Variants in ZFHX3 observed in about 807,000 individuals in gnomAD.
ZFHX3 encodes zinc finger homeobox protein 3.
In ZFHX3, 42 loss-of-function variants were observed where a neutral mutation model predicts 279.1. That is an observed-to-expected ratio of 0.15 (90% CI 0.12 to 0.19). ZFHX3 has a LOEUF of 0.19. Among genes scored for constraint, ZFHX3 ranks in the 10% least tolerant of loss-of-function variants. ZFHX3 has a pLI of 1.00. For missense variants in ZFHX3, 4,981 were observed against 4,754.0 expected (o/e 1.05, Z -1.40); for synonymous variants, 2,293 against 1,957.8 (o/e 1.17, Z -4.52).
At chr16:73,596,533 C>T (rs1011438673) in intron 2 of ZFHX3, among the ~76,000 whole-genome samples, 1 of 152,136 alleles carries the variant, frequency 6.6e-6, no homozygotes, top group African/African-American at 2.4e-5. Flanking sequence ...TTTCAGCCTT[C>T]CCTGATGGCC....
Position 72,934,202 on chromosome 16 carries a change from A to G in ZFHX3, c.3216+16267T>C, listed in dbSNP as rs528342443. 3.0e-4 allele frequency among the ~76,000 whole-genome samples: 46 copies of G among 152,268 alleles called. 1 individual carries two copies. The highest frequency in any genetic ancestry group is 1.1e-3 in the African/African-American group (45 of 41,556). ...TACTTTAGGAGGCTGAGGCAGGAGG[A>G]TCACTTGAGGTCAGGAGTTCGAGAC... is the stretch of plus-strand genomic sequence containing the variant. On this transcript the variant is annotated intron_variant, in intron 3 of 9. Transcript: ENST00000268489.
chr16:72,916,861 GT>G (rs1428512157), intron 3 of ZFHX3, among the ~76,000 whole-genome samples: 1 of 152,172 alleles, frequency 6.6e-6, no homozygotes, highest in East Asian at 1.9e-4. Flanking sequence ...ACAGAGTTAA[GT>G]GTCAAAACAT....
At chr16:72,886,915 A>G (rs2038638035) in intron 4 of ZFHX3, among the ~76,000 whole-genome samples, 2 of 152,196 alleles carry the variant, frequency 1.3e-5, no homozygotes, top group African/African-American at 4.8e-5. Flanking sequence ...GGCAAAGCAG[A>G]AGCTCCACCA....
At chr16:73,585,302 G>C (rs2051913482) in intron 2 of ZFHX3, among the ~76,000 whole-genome samples, 1 of 152,194 alleles carries the variant, frequency 6.6e-6, no homozygotes, top group Admixed American at 6.5e-5. Context: ...TATAATCCCA[G>C]CTACTGGGGA....
chr16:73,189,047 A>G (rs1369571523), intron 5 of ZFHX3, among the ~76,000 whole-genome samples: 1 of 151,972 alleles, frequency 6.6e-6, no homozygotes, highest in Non-Finnish European at 1.5e-5. Flanking sequence ...TATTTTTAGT[A>G]AAGACAGGAT....
chr16:73,288,366 C>T (rs751502675), intron 4 of ZFHX3, among the ~76,000 whole-genome samples: 2 of 152,090 alleles, frequency 1.3e-5, no homozygotes, highest in Non-Finnish European at 1.5e-5. Flanking sequence ...GTCCTATTAG[C>T]GTAAAAAGGA....
intron 2 of ZFHX3, among the ~76,000 whole-genome samples, chr16:73,561,114 C>G (rs2020362754): frequency 6.6e-6 from 1 of 152,164 alleles, no homozygotes; most frequent in South Asian, 2.1e-4. Context: ...ATCTGAAATA[C>G]AAACCTAACT....
intron 2 of ZFHX3, among the ~76,000 whole-genome samples, chr16:72,956,847 T>G (rs1353745184): frequency 7.1e-6 from 1 of 141,802 alleles, no homozygotes. Context: ...AAAAAACATC[T>G]CTTTCATTGA....
rs116508497 is a variant in ZFHX3 at position 73,756,077 on chromosome 16, G to C, written c.-1607-75837C>G. Among the ~76,000 whole-genome samples, 262 of 152,228 alleles carry C rather than the reference G, an allele frequency of 1.7e-3. 3 individuals carry two copies. Among genetic ancestry groups the C allele is most frequent in the African/African-American group, 6.0e-3 (250 of 41,540 alleles). Reference sequence around the variant, plus strand: ...GTTCCTCCATGGCTGACTTTCTTTTGTAAGAGTCTGTGATGGCAGCTTGTT... The same window carrying C: ...GTTCCTCCATGGCTGACTTTCTTTTCTAAGAGTCTGTGATGGCAGCTTGTT... On this transcript the variant is annotated intron_variant, in intron 1 of 17. Transcript: ENST00000641206.
chr16:73,718,272 G>T (rs766890948), intron 1 of ZFHX3, among the ~76,000 whole-genome samples: 1 of 152,076 alleles, frequency 6.6e-6, no homozygotes. Flanking sequence ...TTAGCCGGGC[G>T]TGGTGGCAGG....
intron 5 of ZFHX3, among the ~76,000 whole-genome samples, chr16:73,164,774 G>A (rs1021014775): frequency 4.0e-5 from 6 of 150,986 alleles, no homozygotes; most frequent in Non-Finnish European, 8.8e-5. Flanking sequence ...TGAAGGCTTT[G>A]CCATGGACCA....
At chr16:73,180,422 C>G (rs137983057) in intron 5 of ZFHX3, among the ~76,000 whole-genome samples, 3 of 152,300 alleles carry the variant, frequency 2.0e-5, no homozygotes, top group East Asian at 1.9e-4. Flanking sequence ...GTATACTCTA[C>G]CTGCCAGCAG....
intron 1 of ZFHX3, among the ~76,000 whole-genome samples, chr16:73,813,320 G>C (rs1490491434): frequency 1.3e-5 from 2 of 151,784 alleles, no homozygotes; most frequent in Non-Finnish European, 2.9e-5. Flanking sequence ...TCTCAACTGG[G>C]TGAATTGCAA....
chr16:73,847,975 G>T (rs986201992), intron 1 of ZFHX3, among the ~76,000 whole-genome samples: 2 of 136,920 alleles, frequency 1.5e-5, no homozygotes, highest in African/African-American at 5.5e-5. Flanking sequence ...TGGCCAGACT[G>T]GTCTCAAACT....
chr16:72,786,480 A>T lies in ZFHX3; in HGVS notation c.*684T>A. The T allele has an allele frequency of 6.6e-6, 1 of 151,154 alleles. No individual in the cohort carries two copies. Among genetic ancestry groups the T allele is most frequent in the African/African-American group, 2.4e-5 (1 of 41,046 alleles). The allele number at this position is 151,154 out of a possible 1,614,324, so 9.4% of individuals were successfully genotyped here. ...CCCTTGAAATTGGCTTCAGCAGAAA[A>T]GCTATCCTTAAAAATCCCCAGAAAG... is the stretch of plus-strand genomic sequence containing the variant. On this transcript the variant is annotated 3_prime_UTR_variant, in exon 10 of 10. Coordinates refer to ENST00000268489, the MANE Select transcript of ZFHX3 (RefSeq NM_006885.4).
chr16:73,682,617 C>T (rs927889037), intron 1 of ZFHX3, among the ~76,000 whole-genome samples: 7 of 151,754 alleles, frequency 4.6e-5, no homozygotes, highest in African/African-American at 1.7e-4. Flanking sequence ...GAAACCCCGT[C>T]TCTACTAAAA....
chr16:72,787,329 T>C lies in ZFHX3; in HGVS notation c.10947A>G (p.Ser3649=). The change falls in exon 10 of 10, where the codon TCA becomes TCG. Residue 3649 remains serine (S), a synonymous_variant. Coordinates refer to ENST00000268489, the MANE Select transcript of ZFHX3 (RefSeq NM_006885.4). ...CTGTTGGCATCGAGGGCTGAACCCC[T>C]GAGGTGCTGCATGAACTTGAGGTAA... ...STVTSSSCST[S]GVQPSMPTDD... 3.1e-6 allele frequency: 5 copies of C among 1,613,936 alleles called. 1 individual carries two copies. Among genetic ancestry groups the C allele is most frequent in the Non-Finnish European group, 4.2e-6 (5 of 1,179,970 alleles).
chr16:73,348,666 A>G (rs1186319309), intron 3 of ZFHX3, among the ~76,000 whole-genome samples: 1 of 152,220 alleles, frequency 6.6e-6, no homozygotes, highest in African/African-American at 2.4e-5. Flanking sequence ...CACAAGCCCA[A>G]TTGGCACAAG....
chr16:73,532,642 A>C (rs1386958504), intron 2 of ZFHX3, among the ~76,000 whole-genome samples: 1 of 152,166 alleles, frequency 6.6e-6, no homozygotes, highest in Non-Finnish European at 1.5e-5. Context: ...GCCTTAGTCA[A>C]CTAACCTAAT....
Sources: gnomAD v4.1 joint callset for allele counts (sites outside exome capture counted in the v4.1 genomes callset) on GRCh38, gnomAD v4.1.1 for gene constraint, MANE v1.5 for transcripts, NCBI Gene and HGNC (gene_info 2026-07-23, HGNC 2026-07-21) for gene names.